The following PPP1R14C variants were observed in gnomAD, a reference collection of about 807,000 sequenced individuals.
PPP1R14C encodes the protein protein phosphatase 1 regulatory inhibitor subunit 14C.
Under a neutral mutation model 20.4 loss-of-function variants are expected in PPP1R14C, and 16 were observed. The ratio of observed to expected loss-of-function variants is 0.78; its 90% CI spans 0.53 to 1.19. PPP1R14C has a LOEUF of 1.19. Among genes scored for constraint, PPP1R14C ranks in the 50% most tolerant of loss-of-function variants. The pLI is 0.00. For synonymous variants in PPP1R14C, 91 were observed against 91.0 expected (o/e 1.00, Z 0.00); for missense variants, 211 against 220.1 (o/e 0.96, Z 0.26).
chr6:150,159,754 C>T (rs912585359), intron 1 of PPP1R14C, among the ~76,000 whole-genome samples: 6 of 152,058 alleles, frequency 3.9e-5, no homozygotes, highest in Admixed American at 2.0e-4. Context: ...TAGAATTATA[C>T]ATTTGTCACA....
At chr6:150,189,924 C>A (rs745696633) in intron 1 of PPP1R14C, among the ~76,000 whole-genome samples, 4 of 152,074 alleles carry the variant, frequency 2.6e-5, no homozygotes, top group Non-Finnish European at 4.4e-5. Context: ...GTCCCCCAAC[C>A]CCCCAACACA....
chr6:150,206,290 CTTAT>C (rs1237947606), intron 1 of PPP1R14C, among the ~76,000 whole-genome samples: 1 of 152,172 alleles, frequency 6.6e-6, no homozygotes, highest in Non-Finnish European at 1.5e-5. Context: ...ACGTATTGTA[CTTAT>C]TTGTTTATTG....
rs765312631 is a variant in PPP1R14C at position 150,143,765 on chromosome 6, G to C, written c.306+267G>C. Among the ~76,000 whole-genome samples the C allele has an allele frequency of 1.3e-5, 2 of 152,072 alleles. No homozygotes were observed. Among genetic ancestry groups the C allele is most frequent in the African/African-American group, 4.8e-5 (2 of 41,428 alleles). ...GCCGTGGGGAGGGTTGGGTCCCGCG[G>C]AGCACAGTGCTTTTCTCCGAGCTCC... On this transcript the variant is annotated intron_variant, in intron 1 of 3. Coordinates refer to ENST00000361131, the MANE Select transcript of PPP1R14C (RefSeq NM_030949.3). The surrounding 1 kb of genome is among the most constrained non-coding windows in gnomAD (Gnocchi z 5.6).
chr6:150,169,045 T>A (rs1777469195), intron 1 of PPP1R14C, among the ~76,000 whole-genome samples: 1 of 152,128 alleles, frequency 6.6e-6, no homozygotes, highest in African/African-American at 2.4e-5. Flanking sequence ...CCCAGCTAAT[T>A]TTTTGTACTT....
chr6:150,249,238 T>A lies in PPP1R14C; in HGVS notation c.*418T>A. 1 of 399,956 alleles carries A rather than the reference T, an allele frequency of 2.5e-6. No homozygotes were observed. The highest frequency in any genetic ancestry group is 3.6e-5 in the East Asian group (1 of 28,106). 24.8% of individuals were successfully genotyped at this position (399,956 alleles called of 1,614,324 possible). On this transcript the variant is annotated 3_prime_UTR_variant, in exon 4 of 4. Transcript: ENST00000361131. ...GTACATTTGACTCAGCTGTCAAATTTCTCACACTTGTATATATCTACACAC... is the reference window on the plus strand; with the variant it reads ...GTACATTTGACTCAGCTGTCAAATTACTCACACTTGTATATATCTACACAC...
At chr6:150,187,488 C>T (rs537046429) in intron 1 of PPP1R14C, among the ~76,000 whole-genome samples, 1 of 152,038 alleles carries the variant, frequency 6.6e-6, no homozygotes, top group Non-Finnish European at 1.5e-5. Flanking sequence ...GTGTGTTGTT[C>T]TCCTCTGTGT....
rs188995776 is a variant in PPP1R14C, at chr6:150,173,158, C to T, written c.306+29660C>T. On this transcript the variant is annotated intron_variant, in intron 1 of 3. Coordinates refer to ENST00000361131, the MANE Select transcript of PPP1R14C (RefSeq NM_030949.3). ...GCATTTCTCGACACTAAGAAATCAG[C>T]AATGGTACAAGGTAGCTAATGACAA... Among the ~76,000 whole-genome samples the T allele has an allele frequency of 2.0e-5, 3 of 152,278 alleles. No homozygotes were observed. The East Asian group carries it at 5.8e-4, about 29-fold the overall frequency.
chr6:150,208,119 TC>T (rs1777976998), intron 1 of PPP1R14C, among the ~76,000 whole-genome samples: 2 of 152,290 alleles, frequency 1.3e-5, no homozygotes, highest in African/African-American at 4.8e-5. Flanking sequence ...CCTAATCACC[TC>T]TGAAGGTTCC....
intron 3 of PPP1R14C, among the ~76,000 whole-genome samples, chr6:150,239,959 G>A (rs897546150): frequency 6.6e-6 from 1 of 151,962 alleles, no homozygotes; most frequent in African/African-American, 2.4e-5. Context: ...GAGGCTGAGG[G>A]AGGAGAATCA....
At chr6:150,227,918 T>C (rs1258287372) in intron 3 of PPP1R14C, among the ~76,000 whole-genome samples, 2 of 152,198 alleles carry the variant, frequency 1.3e-5, no homozygotes, top group African/African-American at 4.8e-5. Context: ...TTTGGTCCCA[T>C]TATTACAATT....
Position 150,143,586 on chromosome 6 carries a change from C to T in PPP1R14C, c.306+88C>T, listed in dbSNP as rs564580572. ...ATTTTCCCGGGCTCCAGCTCCGGGG[C>T]GCGCATGTCCCTGACTCCCGGGGAC... On this transcript the variant is annotated intron_variant, in intron 1 of 3. Transcript: ENST00000361131. The surrounding 1 kb of genome is among the most constrained non-coding windows in gnomAD (Gnocchi z 5.6). 8 of 966,162 alleles carry T rather than the reference C, an allele frequency of 8.3e-6. No individual in the cohort carries two copies. The East Asian group carries it at 1.9e-4, about 23-fold the overall frequency. The allele number at this position is 966,162 out of a possible 1,614,324, so 59.8% of individuals were successfully genotyped here. A position where few individuals can be genotyped will look rare whatever the true frequency, so the allele number is the denominator to read the frequency against.
intron 3 of PPP1R14C, among the ~76,000 whole-genome samples, chr6:150,219,290 A>G (rs543652243): frequency 6.6e-6 from 1 of 152,054 alleles, no homozygotes; most frequent in African/African-American, 2.4e-5. Context: ...GTGCAGTGGT[A>G]CAATCTTGGC....
intron 1 of PPP1R14C, among the ~76,000 whole-genome samples, chr6:150,210,170 T>C (rs1256799858): frequency 1.3e-5 from 2 of 152,142 alleles, no homozygotes; most frequent in Admixed American, 1.3e-4. Context: ...GCAGTGGCAA[T>C]GCGGAGTCCC....
At chr6:150,164,889 C>G (rs1431390459) in intron 1 of PPP1R14C, among the ~76,000 whole-genome samples, 3 of 152,154 alleles carry the variant, frequency 2.0e-5, no homozygotes, top group African/African-American at 7.2e-5. Context: ...GTGGAGCACT[C>G]ATGAATGGGA....
intron 3 of PPP1R14C, among the ~76,000 whole-genome samples, chr6:150,245,271 G>A (rs771033770): frequency 6.6e-6 from 1 of 152,166 alleles, no homozygotes; most frequent in Non-Finnish European, 1.5e-5. Flanking sequence ...GAGTACTGCT[G>A]TAGCTTTAAA....
intron 3 of PPP1R14C, among the ~76,000 whole-genome samples, chr6:150,236,841 C>T (rs912482188): frequency 2.6e-5 from 4 of 152,026 alleles, no homozygotes; most frequent in Admixed American, 6.5e-5. Flanking sequence ...TGGGGAGGAG[C>T]GGTCCCAGGC....
intron 3 of PPP1R14C, among the ~76,000 whole-genome samples, chr6:150,219,163 T>C (rs1348013868): frequency 6.6e-6 from 1 of 152,152 alleles, no homozygotes; most frequent in Admixed American, 6.5e-5. Flanking sequence ...ACAGTAAATA[T>C]GATCATGGTT....
intron 1 of PPP1R14C, among the ~76,000 whole-genome samples, chr6:150,149,541 G>A (rs1033542790): frequency 1.4e-5 from 2 of 140,674 alleles, no homozygotes; most frequent in Non-Finnish European, 3.0e-5. Flanking sequence ...TAAGTGATCC[G>A]TCAGCCTCAG....
chr6:150,152,037 G>A (rs1268546543), intron 1 of PPP1R14C, among the ~76,000 whole-genome samples: 4 of 150,502 alleles, frequency 2.7e-5, no homozygotes, highest in Admixed American at 6.6e-5. Flanking sequence ...GGAGAAGGGC[G>A]TGAACCCGGG....
Sources: allele counts gnomAD v4.1 joint callset (sites outside exome capture counted in the v4.1 genomes callset), GRCh38; gene constraint gnomAD v4.1.1; non-coding constraint Gnocchi (gnomAD v3.1); transcripts MANE v1.5; gene names NCBI Gene and HGNC (gene_info 2026-07-23, HGNC 2026-07-21).